Variants in RAI14 observed in about 807,000 individuals in gnomAD.
RAI14 encodes the protein retinoic acid induced 14, also known as ankycorbin.
In RAI14, 45 loss-of-function variants were observed where a neutral mutation model predicts 115.4. The ratio of observed to expected loss-of-function variants is 0.39; its 90% CI spans 0.31 to 0.50. RAI14 has a LOEUF of 0.50. RAI14 is among the 20% of genes least tolerant of loss of function. RAI14 has a pLI of 0.85. For synonymous variants in RAI14, 371 were observed against 415.4 expected, an observed-to-expected ratio of 0.89 and a Z score of 1.30; for missense variants, 939 against 1,131.2, an observed-to-expected ratio of 0.83 and a Z score of 2.44.
intron 2 of RAI14, among the ~76,000 whole-genome samples, chr5:34,706,579 T>C (rs1740722287): frequency 6.6e-6 from 1 of 152,162 alleles, no homozygotes; most frequent in African/African-American, 2.4e-5. Flanking sequence ...ATGGAAGAAA[T>C]GTTTTATTTC....
At chr5:34,750,559 G>A (rs1206834827) in intron 2 of RAI14, among the ~76,000 whole-genome samples, 1 of 152,102 alleles carries the variant, frequency 6.6e-6, no homozygotes, top group Non-Finnish European at 1.5e-5. Flanking sequence ...CTGAAGCACA[G>A]GACTTCTTTC....
intron 7 of RAI14, 102 bp downstream of exon 7, chr5:34,808,756 C>A: frequency 8.8e-7 from 1 of 1,130,294 alleles, no homozygotes; most frequent in Non-Finnish European, 1.3e-6. Context: ...CAGTCTCCAA[C>A]CTTTTTGGCA....
chr5:34,756,283 T>C (rs1580149580), intron 2 of RAI14, among the ~76,000 whole-genome samples: 1 of 152,162 alleles, frequency 6.6e-6, no homozygotes, highest in Non-Finnish European at 1.5e-5. Flanking sequence ...TTTCTTCTTT[T>C]TAGTTTTTAA....
At chr5:34,778,284 A>T (rs1482799406) in intron 3 of RAI14, among the ~76,000 whole-genome samples, 1 of 152,198 alleles carries the variant, frequency 6.6e-6, no homozygotes, top group Non-Finnish European at 1.5e-5. Flanking sequence ...TTGATTCAGT[A>T]GATTTGGAGT....
In RAI14 at chr5:34,716,222, G is replaced by T. The variant is rs571301846; in HGVS notation, c.36+29267G>T. On this transcript the variant is annotated intron_variant, in intron 2 of 17. Transcript: ENST00000265109. Reference sequence around the variant, plus strand: ...GATTTACATGCCTACATCTTTTGAGGTGAGTGGAAATTTGTACATGATAAT... The same window carrying T: ...GATTTACATGCCTACATCTTTTGAGTTGAGTGGAAATTTGTACATGATAAT... The T allele has an allele frequency of 2.4e-3, 821 of 339,550 alleles. 2 individuals carry two copies. Among genetic ancestry groups the T allele is most frequent in the Non-Finnish European group, 3.8e-3 (678 of 176,924 alleles). 21.0% of individuals were successfully genotyped at this position (339,550 alleles called of 1,614,324 possible). A position where few individuals can be genotyped will look rare whatever the true frequency, so the allele number is the denominator to read the frequency against.
At chr5:34,705,550 C>G (rs1740608626) in intron 2 of RAI14, among the ~76,000 whole-genome samples, 1 of 152,156 alleles carries the variant, frequency 6.6e-6, no homozygotes. Flanking sequence ...ACATACTGCT[C>G]TCTTAATTAA....
At position 34,781,527 on chromosome 5, in the gene RAI14, C is replaced by T. The variant is rs62355692; in HGVS notation, c.168-14412C>T. Among the ~76,000 whole-genome samples the T allele has an allele frequency of 6.8e-4, 103 of 152,234 alleles. 1 individual carries two copies. The highest frequency in any genetic ancestry group is 5.2e-3 in the South Asian group (25 of 4,822). ...GAGGGCTCACTGAGAAAGATCTAAACGTTTTACATCTGGACATTTAGGTTG... is the reference window on the plus strand; with the variant it reads ...GAGGGCTCACTGAGAAAGATCTAAATGTTTTACATCTGGACATTTAGGTTG... On this transcript the variant is annotated intron_variant, in intron 3 of 17. Transcript: ENST00000265109.
intron 2 of RAI14, among the ~76,000 whole-genome samples, chr5:34,752,491 A>G (rs1747159990): frequency 6.6e-6 from 1 of 151,910 alleles, no homozygotes; most frequent in African/African-American, 2.4e-5. Flanking sequence ...TTCGGTTGAG[A>G]TGAGCGAGTG....
At chr5:34,750,393 G>A (rs1327595237) in intron 2 of RAI14, among the ~76,000 whole-genome samples, 2 of 152,180 alleles carry the variant, frequency 1.3e-5, no homozygotes, top group Non-Finnish European at 2.9e-5. Context: ...TCTGAGGAAT[G>A]TCTGTAACTG....
At chr5:34,680,581 A>G (rs1310934398) in intron 1 of RAI14, among the ~76,000 whole-genome samples, 1 of 152,204 alleles carries the variant, frequency 6.6e-6, no homozygotes, top group East Asian at 1.9e-4. Context: ...CATTCACACC[A>G]TAGCTTACGG....
intron 2 of RAI14, among the ~76,000 whole-genome samples, chr5:34,708,328 G>A (rs1394337817): frequency 2.6e-5 from 4 of 151,574 alleles, no homozygotes; most frequent in Admixed American, 6.6e-5. Flanking sequence ...GTAGCCTCCC[G>A]AGTAGCTGGG....
chr5:34,813,080 C>T (rs866704986), intron 10 of RAI14, among the ~76,000 whole-genome samples: 3 of 152,066 alleles, frequency 2.0e-5, no homozygotes, highest in South Asian at 2.1e-4. Flanking sequence ...TACACATCTA[C>T]GTTCTTGAAG....
At chr5:34,662,843 C>G in intron 1 of RAI14, among the ~76,000 whole-genome samples, 1 of 149,722 alleles carries the variant, frequency 6.7e-6, no homozygotes, top group East Asian at 2.0e-4. Context: ...ATTCTCCTGC[C>G]TCAGCCTCCT....
At chr5:34,821,660 G>T in intron 13 of RAI14, 72 bp from the exon 14 acceptor site, 1 of 925,958 alleles carries the variant, frequency 1.1e-6, no homozygotes, top group Non-Finnish European at 1.7e-6. Flanking sequence ...AGGCTAGGAA[G>T]TGAATTTGTC....
intron 13 of RAI14, among the ~76,000 whole-genome samples, chr5:34,821,499 G>GA (rs967255724): frequency 3.3e-5 from 5 of 152,080 alleles, no homozygotes; most frequent in East Asian, 1.9e-4. Flanking sequence ...TCAATTTTCA[G>GA]ATTGCCTTGT....
At chr5:34,808,353 G>C (rs997883569) in intron 6 of RAI14, among the ~76,000 whole-genome samples, 1 of 152,202 alleles carries the variant, frequency 6.6e-6, no homozygotes, top group Non-Finnish European at 1.5e-5. Context: ...CCAAATATTT[G>C]CCTAAAGGCA....
At chr5:34,704,459 G>C (rs956872639) in intron 2 of RAI14, among the ~76,000 whole-genome samples, 1 of 152,110 alleles carries the variant, frequency 6.6e-6, no homozygotes, top group Non-Finnish European at 1.5e-5. Flanking sequence ...GAGTTAGTTT[G>C]GTTGATTAGT....
intron 1 of RAI14, among the ~76,000 whole-genome samples, chr5:34,683,511 C>A (rs1262391048): frequency 6.6e-6 from 1 of 151,810 alleles, no homozygotes; most frequent in Admixed American, 6.6e-5. Context: ...TGACCTCAAA[C>A]AAAAATCTTA....
At chr5:34,775,408 T>C (rs1054997144) in intron 3 of RAI14, among the ~76,000 whole-genome samples, 3 of 152,036 alleles carry the variant, frequency 2.0e-5, no homozygotes, top group African/African-American at 7.2e-5. Context: ...AACAATTCTA[T>C]AGGGAAAAAA....
Sources: allele counts gnomAD v4.1 joint callset (sites outside exome capture counted in the v4.1 genomes callset), GRCh38; gene constraint gnomAD v4.1.1; transcripts MANE v1.5; gene names NCBI Gene and HGNC (gene_info 2026-07-23, HGNC 2026-07-21).